The following GPC6 variants were observed in gnomAD, a reference collection of about 807,000 sequenced individuals.
GPC6 encodes the protein glypican-6.
GPC6 carries 14 observed loss-of-function variants against 55.2 expected under a neutral mutation model. The observed-to-expected ratio is 0.25, with a 90% CI of 0.17 to 0.40. The LOEUF is 0.40. Ranked by LOEUF, GPC6 falls within the 10% of genes least tolerant of loss-of-function variation. GPC6 has a pLI of 1.00. For synonymous variants in GPC6, 278 were observed against 259.6 expected (o/e 1.07, Z -0.68); for missense variants, 641 against 708.5 (o/e 0.90, Z 1.08).
intron 1 of GPC6, among the ~76,000 whole-genome samples, chr13:93,325,887 G>T (rs1879635620): frequency 2.6e-5 from 4 of 152,108 alleles, no homozygotes; most frequent in Admixed American, 6.6e-5. Context: ...GGATACAGAG[G>T]AGGTATTCAG....
chr13:93,675,494 T>G (rs1233103013), intron 2 of GPC6, among the ~76,000 whole-genome samples: 1 of 152,158 alleles, frequency 6.6e-6, no homozygotes, highest in Non-Finnish European at 1.5e-5. Flanking sequence ...ACATCAATTA[T>G]TTTAATAGTT....
chr13:93,751,961 C>G (rs1039803085), intron 2 of GPC6, among the ~76,000 whole-genome samples: 4 of 151,962 alleles, frequency 2.6e-5, no homozygotes, highest in Non-Finnish European at 5.9e-5. Flanking sequence ...CTTGACATGC[C>G]CTTTAATAAT....
At chr13:94,117,494 A>ATTACC (rs1022833759) in intron 4 of GPC6, among the ~76,000 whole-genome samples, 1 of 152,132 alleles carries the variant, frequency 6.6e-6, no homozygotes, top group African/African-American at 2.4e-5. Context: ...TTAGAGAACA[A>ATTACC]TTACCTAAAT....
intron 7 of GPC6, among the ~76,000 whole-genome samples, chr13:94,392,389 T>G (rs1880685587): frequency 6.6e-6 from 1 of 150,740 alleles, no homozygotes; most frequent in South Asian, 2.1e-4. Context: ...ATGCAATTGC[T>G]GGATCATATG....
intron 3 of GPC6, among the ~76,000 whole-genome samples, chr13:93,909,081 C>T (rs952667703): frequency 2.0e-5 from 3 of 152,160 alleles, no homozygotes; most frequent in African/African-American, 7.2e-5. Flanking sequence ...AAGGCAAGCA[C>T]CTGAGTGTCT....
At chr13:93,580,543 C>A (rs1193850474) in intron 2 of GPC6, among the ~76,000 whole-genome samples, 1 of 152,110 alleles carries the variant, frequency 6.6e-6, no homozygotes, top group Non-Finnish European at 1.5e-5. Flanking sequence ...GTAACAGATA[C>A]TTATTGAGCA....
At chr13:93,375,693 A>G (rs1238615986) in intron 1 of GPC6, among the ~76,000 whole-genome samples, 1 of 152,178 alleles carries the variant, frequency 6.6e-6, no homozygotes, top group East Asian at 1.9e-4. Flanking sequence ...GGGACCTGAC[A>G]GTGGAGTGGG....
At chr13:93,376,262 G>T (rs934200760) in intron 1 of GPC6, among the ~76,000 whole-genome samples, 1 of 151,968 alleles carries the variant, frequency 6.6e-6, no homozygotes, top group Non-Finnish European at 1.5e-5. Flanking sequence ...GATATTATGG[G>T]CTGGTTTTAC....
At chr13:93,614,824 G>C (rs948595458) in intron 2 of GPC6, among the ~76,000 whole-genome samples, 26 of 152,152 alleles carry the variant, frequency 1.7e-4, no homozygotes, top group African/African-American at 5.8e-4. Context: ...ATTTAGCAAA[G>C]ACAGAATATG....
intron 5 of GPC6, among the ~76,000 whole-genome samples, chr13:94,299,592 T>C (rs2139103145): frequency 6.6e-6 from 1 of 152,344 alleles, no homozygotes; most frequent in East Asian, 1.9e-4. Flanking sequence ...TAGTCCTTTT[T>C]GCCCTTCAGC....
At chr13:94,357,530 C>T (rs1878857908) in intron 6 of GPC6, among the ~76,000 whole-genome samples, 1 of 152,206 alleles carries the variant, frequency 6.6e-6, no homozygotes, top group Non-Finnish European at 1.5e-5. Flanking sequence ...GCACTCTTGG[C>T]CAACTGATGG....
intron 1 of GPC6, among the ~76,000 whole-genome samples, chr13:93,305,235 C>A (rs946414024): frequency 6.6e-6 from 1 of 152,124 alleles, no homozygotes; most frequent in African/African-American, 2.4e-5. Flanking sequence ...GGGTTGAACC[C>A]AGGCAGTCGT....
intron 1 of GPC6, among the ~76,000 whole-genome samples, chr13:93,360,997 C>T (rs143952235): frequency 3.3e-5 from 5 of 152,188 alleles, no homozygotes; most frequent in African/African-American, 4.8e-5. Context: ...GAATCTTACT[C>T]GCTTTTTTTG....
In GPC6 at chr13:93,676,171, A is replaced by C. The variant is rs1340470303; in HGVS notation, c.319+130750A>C. On this transcript the variant is annotated intron_variant, in intron 2 of 8. Transcript: ENST00000377047. ...TATATATATATATATATATATATAC[A>C]TACACACACACACACACACATATAT... Among the ~76,000 whole-genome samples the C allele has an allele frequency of 1.8e-4, 5 of 27,478 alleles. No homozygotes were observed. The East Asian group carries it at 3.5e-3, about 19-fold the overall frequency. The allele number at this position is 27,478 out of a possible 152,430, so 18.0% of individuals were successfully genotyped here. A position where few individuals can be genotyped will look rare whatever the true frequency, so the allele number is the denominator to read the frequency against.
intron 6 of GPC6, among the ~76,000 whole-genome samples, chr13:94,314,784 A>G (rs1876435614): frequency 6.6e-6 from 1 of 152,228 alleles, no homozygotes; most frequent in Non-Finnish European, 1.5e-5. Context: ...TATTTCATAA[A>G]TACCAGTTTT....
At chr13:94,325,392 A>G (rs763705146) in intron 6 of GPC6, among the ~76,000 whole-genome samples, 1 of 152,226 alleles carries the variant, frequency 6.6e-6, no homozygotes, top group Admixed American at 6.5e-5. Context: ...GTGTGTTCCC[A>G]GAACGTTAAA....
chr13:94,100,460 T>C (rs1235774286), intron 4 of GPC6, among the ~76,000 whole-genome samples: 1 of 152,202 alleles, frequency 6.6e-6, no homozygotes, highest in African/African-American at 2.4e-5. Context: ...GAAAGATAGA[T>C]ATTAGGTTCT....
intron 2 of GPC6, among the ~76,000 whole-genome samples, chr13:93,586,044 C>G (rs901231158): frequency 6.6e-6 from 1 of 151,942 alleles, no homozygotes; most frequent in African/African-American, 2.4e-5. Flanking sequence ...GTTTGTTGTA[C>G]AGATTATTCC....
intron 4 of GPC6, among the ~76,000 whole-genome samples, chr13:94,118,976 G>A (rs1480651462): frequency 6.8e-6 from 1 of 147,946 alleles, no homozygotes; most frequent in Non-Finnish European, 1.5e-5. Flanking sequence ...TCAAATTCCT[G>A]GCCTGTATAT....
Sources: gnomAD v4.1 joint callset for allele counts (sites outside exome capture counted in the v4.1 genomes callset) on GRCh38, gnomAD v4.1.1 for gene constraint, MANE v1.5 for transcripts, NCBI Gene and HGNC (gene_info 2026-07-23, HGNC 2026-07-21) for gene names.